HS6ST3: variants seen among roughly 807,000 people sequenced by gnomAD.
HS6ST3 encodes heparan sulfate 6-O-sulfotransferase 3, also known as heparan-sulfate 6-O-sulfotransferase 3.
Under a neutral mutation model 36.7 loss-of-function variants are expected in HS6ST3, and 12 were observed. The observed-to-expected ratio is 0.33, with a 90% CI of 0.21 to 0.53. The LOEUF is 0.53. Among genes scored for constraint, HS6ST3 ranks in the 20% least tolerant of loss-of-function variants. The pLI, the probability that HS6ST3 is intolerant of heterozygous loss-of-function variation, is 0.95. For synonymous variants in HS6ST3, 240 were observed against 257.5 expected, an observed-to-expected ratio of 0.93 and a Z score of 0.65; for missense variants, 584 against 640.9, an observed-to-expected ratio of 0.91 and a Z score of 0.96.
At chr13:96,553,642 G>A (rs925226000) in intron 1 of HS6ST3, among the ~76,000 whole-genome samples, 2 of 152,220 alleles carry the variant, frequency 1.3e-5, no homozygotes, top group Non-Finnish European at 2.9e-5. Flanking sequence ...CTGAAATGTA[G>A]CCCTGCACAG....
intron 1 of HS6ST3, among the ~76,000 whole-genome samples, chr13:96,690,784 G>T (rs976071342): frequency 6.6e-6 from 1 of 151,758 alleles, no homozygotes; most frequent in Admixed American, 6.6e-5. Context: ...CTTATCAATT[G>T]TGAAATGAAC....
chr13:96,219,612 C>T (rs1451806168), intron 1 of HS6ST3, among the ~76,000 whole-genome samples: 2 of 152,148 alleles, frequency 1.3e-5, no homozygotes, highest in Non-Finnish European at 2.9e-5. Context: ...ATTCTTTCAA[C>T]ATGGCATGTT....
chr13:96,828,219 C>T (rs1376315335), intron 1 of HS6ST3, among the ~76,000 whole-genome samples: 1 of 152,196 alleles, frequency 6.6e-6, no homozygotes, highest in Non-Finnish European at 1.5e-5. Flanking sequence ...ATGAATGTTA[C>T]TTAAAGATTT....
Position 96,502,943 on chromosome 13 carries a change from C to T in HS6ST3, c.708-329547C>T, listed in dbSNP as rs552656967. Among the ~76,000 whole-genome samples the T allele has an allele frequency of 2.0e-5, 3 of 152,302 alleles. No individual in the cohort carries two copies. The East Asian group carries it at 5.8e-4, about 29-fold the overall frequency. ...TATAGGGTGGTCACACTGGTGTGCGCTTCCATCTGTCAAGTGGGAATTCCT... is the reference window on the plus strand; with the variant it reads ...TATAGGGTGGTCACACTGGTGTGCGTTTCCATCTGTCAAGTGGGAATTCCT... On this transcript the variant is annotated intron_variant, in intron 1 of 1. Coordinates refer to ENST00000376705, the MANE Select transcript of HS6ST3 (RefSeq NM_153456.4).
At chr13:96,585,182 T>A (rs1021931705) in intron 1 of HS6ST3, among the ~76,000 whole-genome samples, 2 of 152,192 alleles carry the variant, frequency 1.3e-5, no homozygotes, top group Admixed American at 6.5e-5. Context: ...CTATTAATAA[T>A]AACATAAATT....
At chr13:96,571,181 G>T (rs1207592525) in intron 1 of HS6ST3, among the ~76,000 whole-genome samples, 1 of 152,196 alleles carries the variant, frequency 6.6e-6, no homozygotes, top group African/African-American at 2.4e-5. Flanking sequence ...TATAGTTAAA[G>T]GCTTCTTTCT....
rs1044338454 is a variant in HS6ST3 at position 96,838,096 on chromosome 13, T to TG, written c.*4903dup. 5 of 152,082 alleles carry TG rather than the reference T, an allele frequency of 3.3e-5. No individual in the cohort carries two copies. Among genetic ancestry groups the TG allele is most frequent in the Non-Finnish European group, 5.9e-5 (4 of 68,030 alleles). The allele number at this position is 152,082 out of a possible 1,614,324, so 9.4% of individuals were successfully genotyped here. ...CCTGTATAGTGGGATCATTTAGAGA[T>TG]GGGGGTTAGGGAGAGTAGGAGTAAC... On this transcript the variant is annotated 3_prime_UTR_variant, in exon 2 of 2. Coordinates refer to ENST00000376705, the MANE Select transcript of HS6ST3 (RefSeq NM_153456.4).
intron 1 of HS6ST3, among the ~76,000 whole-genome samples, chr13:96,671,752 T>A (rs2056683465): frequency 6.6e-6 from 1 of 152,168 alleles, no homozygotes; most frequent in Admixed American, 6.6e-5. Flanking sequence ...GGGCCTACCC[T>A]AATCACCTCA....
chr13:96,181,619 G>A (rs1374736666), intron 1 of HS6ST3, among the ~76,000 whole-genome samples: 3 of 152,046 alleles, frequency 2.0e-5, no homozygotes, highest in Admixed American at 6.6e-5. Flanking sequence ...TTAGAGGTGC[G>A]CAGGAGGCAC....
intron 1 of HS6ST3, among the ~76,000 whole-genome samples, chr13:96,651,534 C>A (rs1007504921): frequency 1.3e-5 from 2 of 152,030 alleles, no homozygotes; most frequent in African/African-American, 4.8e-5. Flanking sequence ...GCATGCTGTA[C>A]CCTCCTCATC....
chr13:96,196,406 C>T (rs150715533), intron 1 of HS6ST3, among the ~76,000 whole-genome samples: 1 of 152,086 alleles, frequency 6.6e-6, no homozygotes, highest in Non-Finnish European at 1.5e-5. Flanking sequence ...CTCCTCTGCT[C>T]TCTACTTTTT....
intron 1 of HS6ST3, among the ~76,000 whole-genome samples, chr13:96,129,854 A>G (rs1032767345): frequency 1.3e-5 from 2 of 152,180 alleles, no homozygotes; most frequent in African/African-American, 4.8e-5. Context: ...TTGTTCTCTC[A>G]TACCCCTTAG....
intron 1 of HS6ST3, among the ~76,000 whole-genome samples, chr13:96,507,877 A>G (rs1215360147): frequency 1.3e-5 from 2 of 152,106 alleles, no homozygotes; most frequent in African/African-American, 4.8e-5. Flanking sequence ...ATTTTACTTG[A>G]AGTTAACAAA....
chr13:96,361,434 A>G (rs9556576), intron 1 of HS6ST3, among the ~76,000 whole-genome samples: 59,372 of 152,088 alleles, frequency 0.39, 12,235 homozygotes, highest in African/African-American at 0.52. Flanking sequence ...AAAGGCTGTT[A>G]GGGAAGGCTA....
At chr13:96,151,370 C>T (rs2054083952) in intron 1 of HS6ST3, among the ~76,000 whole-genome samples, 1 of 150,830 alleles carries the variant, frequency 6.6e-6, no homozygotes, top group Non-Finnish European at 1.5e-5. Context: ...CGCGACTGCA[C>T]TCCAGCCTGG....
At chr13:96,180,286 T>C (rs2054233607) in intron 1 of HS6ST3, among the ~76,000 whole-genome samples, 1 of 152,160 alleles carries the variant, frequency 6.6e-6, no homozygotes, top group Admixed American at 6.5e-5. Context: ...ACACTTTTGC[T>C]CTCTGAGCCT....
At position 96,833,688 on chromosome 13, in the gene HS6ST3, C is replaced by T. The variant is rs1392913358; in HGVS notation, c.*490C>T. ...CTTAGATGAGGTCTTACACCAACCC[C>T]CACTTGGCTGTTGGCTGTCATCTTG... On this transcript the variant is annotated 3_prime_UTR_variant, in exon 2 of 2. Coordinates refer to ENST00000376705, the MANE Select transcript of HS6ST3 (RefSeq NM_153456.4). 1.3e-5 allele frequency: 2 copies of T among 153,416 alleles called. No homozygotes were observed. Among genetic ancestry groups the T allele is most frequent in the South Asian group, 2.1e-4 (1 of 4,860 alleles). The allele number at this position is 153,416 out of a possible 1,614,324, so 9.5% of individuals were successfully genotyped here. A position where few individuals can be genotyped will look rare whatever the true frequency, so the allele number is the denominator to read the frequency against.
At chr13:96,454,266 G>T (rs1348221265) in intron 1 of HS6ST3, among the ~76,000 whole-genome samples, 2 of 152,236 alleles carry the variant, frequency 1.3e-5, no homozygotes, top group Non-Finnish European at 2.9e-5. Context: ...ATCATAGTGG[G>T]GTCTGTGCTG....
intron 1 of HS6ST3, among the ~76,000 whole-genome samples, chr13:96,455,350 G>T (rs2055749821): frequency 6.6e-6 from 1 of 152,096 alleles, no homozygotes. Context: ...ATCCTGAATA[G>T]CTGGGATTAC....
Sources: gnomAD v4.1 joint callset for allele counts (sites outside exome capture counted in the v4.1 genomes callset) on GRCh38, gnomAD v4.1.1 for gene constraint, MANE v1.5 for transcripts, NCBI Gene and HGNC (gene_info 2026-07-23, HGNC 2026-07-21) for gene names.